Variants in ERBB4 observed in about 807,000 individuals in gnomAD.
The protein encoded by ERBB4 is receptor tyrosine-protein kinase erbB-4.
ERBB4 carries 42 observed loss-of-function variants against 158.0 expected under a neutral mutation model. The observed-to-expected ratio is 0.27, with a 90% CI of 0.21 to 0.34. The LOEUF (loss-of-function observed/expected upper bound fraction) is 0.34, where lower values mean the gene tolerates loss of function less well. Ranked by LOEUF, ERBB4 falls within the 10% of genes least tolerant of loss-of-function variation. ERBB4 has a pLI of 1.00. For synonymous variants in ERBB4, 583 were observed against 558.7 expected (o/e 1.04, Z -0.61); for missense variants, 1,333 against 1,624.1 (o/e 0.82, Z 3.08).
At chr2:212,225,114 C>T (rs889554047) in intron 1 of ERBB4, among the ~76,000 whole-genome samples, 4 of 151,726 alleles carry the variant, frequency 2.6e-5, no homozygotes, top group Non-Finnish European at 5.9e-5. Flanking sequence ...TTTATGTCCC[C>T]TTTTTCCTCC....
chr2:212,491,377 T>C (rs1013439658), intron 1 of ERBB4, among the ~76,000 whole-genome samples: 4 of 151,630 alleles, frequency 2.6e-5, no homozygotes, highest in Non-Finnish European at 5.9e-5. Flanking sequence ...CCTTTATAAC[T>C]CAGGATCCCC....
intron 20 of ERBB4, among the ~76,000 whole-genome samples, chr2:211,537,509 A>C: frequency 6.6e-6 from 1 of 152,000 alleles, no homozygotes; most frequent in East Asian, 1.9e-4. Context: ...CTCTTAACTC[A>C]GGCCCTTCAT....
At chr2:211,869,636 G>C (rs562144569) in intron 3 of ERBB4, among the ~76,000 whole-genome samples, 2 of 152,046 alleles carry the variant, frequency 1.3e-5, no homozygotes, top group Admixed American at 1.3e-4. Flanking sequence ...ATTGAACTAA[G>C]TTAGGAAAAA....
At position 212,014,691 on chromosome 2, in the gene ERBB4, T is replaced by C. The variant is rs566783322; in HGVS notation, c.235-67075A>G. Among the ~76,000 whole-genome samples the C allele has an allele frequency of 1.6e-4, 25 of 152,206 alleles. No homozygotes were observed. In the East Asian group the frequency reaches 4.6e-3, roughly 28 times the overall value. On this transcript the variant is annotated intron_variant, in intron 2 of 27. Transcript: ENST00000342788. Reference sequence around the variant, plus strand: ...ATGGAGACATAGCCTCTTTTCTCACTAAATAAATCCCATTACCCTTCAACC... The same window carrying C: ...ATGGAGACATAGCCTCTTTTCTCACCAAATAAATCCCATTACCCTTCAACC...
intron 1 of ERBB4, among the ~76,000 whole-genome samples, chr2:212,408,671 C>T (rs1226507862): frequency 6.6e-6 from 1 of 151,976 alleles, no homozygotes; most frequent in African/African-American, 2.4e-5. Flanking sequence ...AAAGAAAATA[C>T]TGATGCTGAC....
intron 1 of ERBB4, among the ~76,000 whole-genome samples, chr2:212,362,793 T>G (rs1329165563): frequency 6.6e-6 from 1 of 151,206 alleles, no homozygotes; most frequent in Non-Finnish European, 1.5e-5. Flanking sequence ...CATATACAAT[T>G]GTATACCTAA....
chr2:211,641,643 C>T (rs1168380502), intron 16 of ERBB4, among the ~76,000 whole-genome samples: 2 of 152,018 alleles, frequency 1.3e-5, no homozygotes, highest in African/African-American at 2.4e-5. Flanking sequence ...CCAAAAGAGT[C>T]CCCTTCATAT....
At chr2:211,597,163 T>C (rs2068658769) in intron 19 of ERBB4, among the ~76,000 whole-genome samples, 1 of 152,144 alleles carries the variant, frequency 6.6e-6, no homozygotes, top group African/African-American at 2.4e-5. Flanking sequence ...CCAAATGGTC[T>C]ATAGAGAGGA....
chr2:211,670,622 C>A (rs2071803481), intron 14 of ERBB4, among the ~76,000 whole-genome samples: 2 of 151,990 alleles, frequency 1.3e-5, no homozygotes, highest in South Asian at 4.1e-4. Flanking sequence ...ATTGTGATTC[C>A]AAAGGTCTCA....
chr2:212,505,561 GGC>G (rs1433299279), intron 1 of ERBB4, among the ~76,000 whole-genome samples: 1 of 148,980 alleles, frequency 6.7e-6, no homozygotes, highest in Non-Finnish European at 1.5e-5. Flanking sequence ...ACATCTTGCT[GGC>G]TATGCCAAAA....
intron 1 of ERBB4, among the ~76,000 whole-genome samples, chr2:212,463,431 T>A (rs79801235): frequency 0.071 from 10,773 of 152,104 alleles, 889 homozygotes; most frequent in African/African-American, 0.2. Context: ...TGCTTTAGAT[T>A]AAGATATATC....
intron 19 of ERBB4, among the ~76,000 whole-genome samples, chr2:211,591,301 G>T (rs982427019): frequency 1.1e-4 from 17 of 152,192 alleles, no homozygotes; most frequent in African/African-American, 4.1e-4. Flanking sequence ...TAGATTAGGG[G>T]AGGGGAGGAC....
At chr2:211,597,163 T>G (rs2068658769) in intron 19 of ERBB4, among the ~76,000 whole-genome samples, 1 of 152,144 alleles carries the variant, frequency 6.6e-6, no homozygotes, top group Non-Finnish European at 1.5e-5. Context: ...CCAAATGGTC[T>G]ATAGAGAGGA....
chr2:211,771,706 C>T (rs983267621), intron 4 of ERBB4, among the ~76,000 whole-genome samples: 3 of 151,992 alleles, frequency 2.0e-5, no homozygotes, highest in South Asian at 2.1e-4. Flanking sequence ...TTCTTTCTTG[C>T]GAAGTGTGTG....
intron 22 of ERBB4, among the ~76,000 whole-genome samples, chr2:211,427,166 T>G (rs1282221984): frequency 6.6e-6 from 1 of 152,114 alleles, no homozygotes. Context: ...GATAGTTAAT[T>G]TTTTCCTAGA....
Position 211,381,324 on chromosome 2 carries a change from A to C in ERBB4, c.*2291T>G. On this transcript the variant is annotated 3_prime_UTR_variant, in exon 28 of 28. Transcript: ENST00000342788. ...GTTTAATGGTGAAGTTAGACTCTAG[A>C]TAGGCTAATTAGTCAGTGATGCAAT... is the stretch of plus-strand genomic sequence containing the variant. The C allele has an allele frequency of 4.3e-6, 1 of 232,408 alleles. No homozygotes were observed. Among genetic ancestry groups the C allele is most frequent in the East Asian group, 6.1e-5 (1 of 16,448 alleles). 14.4% of individuals were successfully genotyped at this position (232,408 alleles called of 1,614,324 possible).
Position 211,913,617 on chromosome 2 carries a change from A to ATGTGTGTGTGTG in ERBB4, c.421+33812_421+33813insCACACACACACA, listed in dbSNP as rs879271352. Among the ~76,000 whole-genome samples the ATGTGTGTGTGTG allele has an allele frequency of 5.1e-3, 600 of 118,256 alleles. 3 individuals carry two copies. Among genetic ancestry groups the ATGTGTGTGTGTG allele is most frequent in the African/African-American group, 0.02 (577 of 28,438 alleles). The allele number at this position is 118,256 out of a possible 152,430, so 77.6% of individuals were successfully genotyped here. A position where few individuals can be genotyped will look rare whatever the true frequency, so the allele number is the denominator to read the frequency against. On this transcript the variant is annotated intron_variant, in intron 3 of 27. Coordinates refer to ENST00000342788, the MANE Select transcript of ERBB4 (RefSeq NM_005235.3). ...CTCTATTTCAAAAAAATATATATAT[A>ATGTGTGTGTGTG]TATGTGTGTGTGTGTGTGTGTGTGT... is the stretch of plus-strand genomic sequence containing the variant.
chr2:211,388,518 T>C (rs2062734747), intron 25 of ERBB4, among the ~76,000 whole-genome samples: 1 of 152,100 alleles, frequency 6.6e-6, no homozygotes, highest in African/African-American at 2.4e-5. Flanking sequence ...AACTCCTTAG[T>C]CTCTCCTGAT....
At chr2:212,433,090 C>G (rs943514107) in intron 1 of ERBB4, among the ~76,000 whole-genome samples, 1 of 151,970 alleles carries the variant, frequency 6.6e-6, no homozygotes, top group African/African-American at 2.4e-5. Context: ...AAATCCGATA[C>G]TACAGTATAG....
Sources: gnomAD v4.1 joint callset for allele counts (sites outside exome capture counted in the v4.1 genomes callset) on GRCh38, gnomAD v4.1.1 for gene constraint, MANE v1.5 for transcripts, NCBI Gene and HGNC (gene_info 2026-07-23, HGNC 2026-07-21) for gene names.